Variants in NCK2 observed in about 807,000 individuals in gnomAD.
NCK2 encodes the protein cytoplasmic protein NCK2.
In NCK2, 16 loss-of-function variants were observed where a neutral mutation model predicts 33.9. The ratio of observed to expected loss-of-function variants is 0.47; its 90% CI spans 0.32 to 0.72. NCK2 has a LOEUF of 0.72. Among genes scored for constraint, NCK2 ranks in the 30% least tolerant of loss-of-function variants. The pLI is 0.03. For synonymous variants in NCK2, 273 were observed against 239.9 expected (o/e 1.14, Z -1.27); for missense variants, 418 against 537.3 (o/e 0.78, Z 2.19).
chr2:105,818,074 T>C (rs1306722441), intron 2 of NCK2, among the ~76,000 whole-genome samples: 11 of 151,906 alleles, frequency 7.2e-5, no homozygotes, highest in Admixed American at 7.2e-4. Context: ...GTGGCACATA[T>C]ACACCATGAA....
At chr2:105,811,461 G>T (rs926590284) in intron 1 of NCK2, among the ~76,000 whole-genome samples, 1 of 152,190 alleles carries the variant, frequency 6.6e-6, no homozygotes, top group African/African-American at 2.4e-5. Context: ...AACTTAAGCA[G>T]ACCCTTAGAA....
chr2:105,753,181 T>C (rs897265351), intron 1 of NCK2, among the ~76,000 whole-genome samples: 2 of 152,226 alleles, frequency 1.3e-5, no homozygotes, highest in African/African-American at 4.8e-5. Context: ...TGGAAAATCA[T>C]TGATAGGGAG....
At chr2:105,815,534 C>G (rs772570295) in intron 1 of NCK2, among the ~76,000 whole-genome samples, 1 of 152,176 alleles carries the variant, frequency 6.6e-6, no homozygotes, top group Non-Finnish European at 1.5e-5. Context: ...AGGGTCCCCT[C>G]GAAAACGTTA....
At position 105,758,413 on chromosome 2, in the gene NCK2, G is replaced by T. The variant is rs199660669; in HGVS notation, c.-201+13275G>T. 1.3e-3 allele frequency among the ~76,000 whole-genome samples: 167 copies of T among 132,502 alleles called. 1 individual carries two copies. The highest frequency in any genetic ancestry group is 3.5e-3 in the African/African-American group (126 of 35,692). The allele number at this position is 132,502 out of a possible 152,430, so 86.9% of individuals were successfully genotyped here. On this transcript the variant is annotated intron_variant, in intron 1 of 4. Coordinates refer to ENST00000233154, the MANE Select transcript of NCK2 (RefSeq NM_003581.5). ...GTAGATGTTTGTTTTTGTTGTTTTTGTTTTTTTTTTTTTTTGAGACAGAGT... is the reference window on the plus strand; with the variant it reads ...GTAGATGTTTGTTTTTGTTGTTTTTTTTTTTTTTTTTTTTTGAGACAGAGT...
intron 3 of NCK2, among the ~76,000 whole-genome samples, chr2:105,878,176 A>T (rs187676127): frequency 5.9e-5 from 9 of 152,348 alleles, no homozygotes; most frequent in Non-Finnish European, 1.2e-4. Context: ...GCAACAAGAA[A>T]GCCACAGCTT....
intron 2 of NCK2, among the ~76,000 whole-genome samples, chr2:105,853,439 T>C (rs961352334): frequency 2.6e-5 from 4 of 152,228 alleles, no homozygotes; most frequent in Non-Finnish European, 4.4e-5. Context: ...TTGCACATTT[T>C]ATAGATTTTA....
At chr2:105,839,107 A>T (rs1383107447) in intron 2 of NCK2, among the ~76,000 whole-genome samples, 1 of 152,148 alleles carries the variant, frequency 6.6e-6, no homozygotes, top group Non-Finnish European at 1.5e-5. Context: ...GGCTTGAACA[A>T]AGTAACAGAA....
At chr2:105,869,754 C>T (rs934217444) in intron 3 of NCK2, among the ~76,000 whole-genome samples, 10 of 152,142 alleles carry the variant, frequency 6.6e-5, no homozygotes, top group South Asian at 2.1e-4. Flanking sequence ...TATTCAAAAA[C>T]GCTTGGGCTC....
chr2:105,823,436 G>A (rs950969953), intron 2 of NCK2, among the ~76,000 whole-genome samples: 1 of 151,916 alleles, frequency 6.6e-6, no homozygotes, highest in Non-Finnish European at 1.5e-5. Context: ...TTTTGAGTTT[G>A]AGATTTCTGC....
Position 105,894,241 on chromosome 2 carries a change from G to C in NCK2, c.*1065G>C, listed in dbSNP as rs1284458513. On this transcript the variant is annotated 3_prime_UTR_variant, in exon 5 of 5. Coordinates refer to ENST00000233154, the MANE Select transcript of NCK2 (RefSeq NM_003581.5). ...CCTAAACTTGCATACCCAGTTTTTT[G>C]GATATTGTAATAAAAAAAAGTATTA... The C allele has an allele frequency of 6.6e-6, 1 of 152,424 alleles. No homozygotes were observed. The highest frequency in any genetic ancestry group is 1.5e-5 in the Non-Finnish European group (1 of 68,012). 9.4% of individuals were successfully genotyped at this position (152,424 alleles called of 1,614,324 possible).
chr2:105,785,635 T>C (rs1690652498), intron 1 of NCK2, among the ~76,000 whole-genome samples: 1 of 152,238 alleles, frequency 6.6e-6, no homozygotes, highest in African/African-American at 2.4e-5. Context: ...GGATTGGCTC[T>C]GAGCCACCTC....
chr2:105,796,233 G>A (rs961980974), intron 1 of NCK2, among the ~76,000 whole-genome samples: 7 of 152,246 alleles, frequency 4.6e-5, no homozygotes, highest in Admixed American at 4.6e-4. Flanking sequence ...ATTTGCAGGC[G>A]TGTGTAAGTA....
chr2:105,828,758 G>A (rs115170271), intron 2 of NCK2, among the ~76,000 whole-genome samples: 2,344 of 152,308 alleles, frequency 0.015, 30 homozygotes, highest in Non-Finnish European at 0.02. Flanking sequence ...GGATGCTGCT[G>A]TGTTGACCTC....
At chr2:105,866,051 A>C (rs2104615232) in intron 3 of NCK2, among the ~76,000 whole-genome samples, 1 of 152,198 alleles carries the variant, frequency 6.6e-6, no homozygotes, top group South Asian at 2.1e-4. Flanking sequence ...AGTAGCTGGG[A>C]TTACAGGCAT....
chr2:105,800,919 G>A (rs902976146), intron 1 of NCK2, among the ~76,000 whole-genome samples: 14 of 152,218 alleles, frequency 9.2e-5, no homozygotes, highest in African/African-American at 3.4e-4. Flanking sequence ...GTGGTTGGCA[G>A]AAGCCCCTTT....
Position 105,745,023 on chromosome 2 carries a change from G to A in NCK2, c.-316G>A, listed in dbSNP as rs1689222306. On this transcript the variant is annotated 5_prime_UTR_variant, in exon 1 of 5. Transcript: ENST00000233154. ...CCGCCCGGGCCGGCAGCGTCCGCCC[G>A]GCGGCGGGAGGAGGGAGCGGCGCAG... 6.9e-6 allele frequency: 1 copy of A among 145,934 alleles called. No individual in the cohort carries two copies. Among genetic ancestry groups the A allele is most frequent in the Admixed American group, 6.8e-5 (1 of 14,742 alleles). The allele number at this position is 145,934 out of a possible 1,614,324, so 9.0% of individuals were successfully genotyped here.
chr2:105,794,037 A>C (rs1573600884), intron 1 of NCK2, among the ~76,000 whole-genome samples: 1 of 145,446 alleles, frequency 6.9e-6, no homozygotes, highest in African/African-American at 2.5e-5. Context: ...AAAATATTGT[A>C]TCTTTCGATT....
At chr2:105,892,553 CG>C (rs959431864) in intron 4 of NCK2, among the ~76,000 whole-genome samples, 1 of 138,148 alleles carries the variant, frequency 7.2e-6, no homozygotes, top group Non-Finnish European at 1.5e-5. Context: ...AACAGAGACC[CG>C]GCTGGGCGTG....
intron 2 of NCK2, among the ~76,000 whole-genome samples, chr2:105,835,409 G>GTATATATATGTGTATATATATATATATA (rs1553458615): frequency 1.7e-5 from 1 of 59,322 alleles, no homozygotes; most frequent in African/African-American, 6.1e-5. Flanking sequence ...ATATATACGT[G>GTATATATATGTGTATATATATATATATA]TATATATATA....
Sources: allele counts gnomAD v4.1 joint callset (sites outside exome capture counted in the v4.1 genomes callset), GRCh38; gene constraint gnomAD v4.1.1; transcripts MANE v1.5; gene names NCBI Gene and HGNC (gene_info 2026-07-23, HGNC 2026-07-21).